Variants in ADGRB3 observed in about 807,000 individuals in gnomAD.
ADGRB3 encodes adhesion G protein-coupled receptor B3.
In ADGRB3, 37 loss-of-function variants were observed where a neutral mutation model predicts 193.4. The ratio of observed to expected loss-of-function variants is 0.19; its 90% CI spans 0.15 to 0.25. ADGRB3 has a LOEUF of 0.25. ADGRB3 is among the 10% of genes least tolerant of loss of function. ADGRB3 has a pLI of 1.00. For synonymous variants in ADGRB3, 690 were observed against 644.2 expected (o/e 1.07, Z -1.08); for missense variants, 1,637 against 1,852.9 (o/e 0.88, Z 2.14).
At chr6:69,130,585 G>A (rs892759670) in intron 17 of ADGRB3, among the ~76,000 whole-genome samples, 13 of 149,668 alleles carry the variant, frequency 8.7e-5, no homozygotes, top group African/African-American at 2.4e-4. Flanking sequence ...TCAGCCCCCC[G>A]ACTGGGCTCC....
At chr6:68,947,686 G>A (rs555948251) in intron 6 of ADGRB3, among the ~76,000 whole-genome samples, 1 of 152,196 alleles carries the variant, frequency 6.6e-6, no homozygotes, top group Non-Finnish European at 1.5e-5. Flanking sequence ...TTATTCATCT[G>A]TAAAATGGGG....
intron 3 of ADGRB3, among the ~76,000 whole-genome samples, chr6:68,787,792 T>G (rs1767007683): frequency 6.6e-6 from 1 of 152,166 alleles, no homozygotes; most frequent in Non-Finnish European, 1.5e-5. Context: ...CCTGGACTTT[T>G]TTTGGTTGGT....
chr6:69,122,441 CAAAG>C (rs1405514351), intron 17 of ADGRB3, among the ~76,000 whole-genome samples: 1 of 109,244 alleles, frequency 9.2e-6, no homozygotes. Flanking sequence ...TGAGGGAGAC[CAAAG>C]AAAGAAAGAT....
At chr6:69,135,716 T>G (rs1026750164) in intron 17 of ADGRB3, among the ~76,000 whole-genome samples, 1 of 152,120 alleles carries the variant, frequency 6.6e-6, no homozygotes, top group African/African-American at 2.4e-5. Flanking sequence ...CAGCAACTTA[T>G]GTTTTTTGAC....
At position 69,338,928 on chromosome 6, in the gene ADGRB3, G is replaced by A; in HGVS notation, c.3201G>A (p.Glu1067=). ...TGTTTGTTTGCAGTCAGATGAGTGA[G>A]CCTCATAGCGGTTTGACGCTCAAAT... ...KLKHRAGQMS[E]PHSGLTLKCA... The change falls in exon 25 of 32, where the codon GAG becomes GAA. Residue 1067 remains glutamate (E), a synonymous_variant. Transcript: ENST00000370598. The A allele has an allele frequency of 6.2e-7, 1 of 1,613,624 alleles. No homozygotes were observed. Among genetic ancestry groups the A allele is most frequent in the South Asian group, 1.1e-5 (1 of 91,024 alleles).
At chr6:68,878,661 A>T (rs1441767263) in intron 3 of ADGRB3, among the ~76,000 whole-genome samples, 3 of 152,140 alleles carry the variant, frequency 2.0e-5, no homozygotes, top group Admixed American at 1.3e-4. Context: ...GTACTCTGTG[A>T]CCATTTCAGT....
rs1768366041 is a variant in ADGRB3 at position 68,850,056 on chromosome 6, T to G, written c.758-80503T>G. Among the ~76,000 whole-genome samples the G allele has an allele frequency of 2.0e-5, 3 of 152,062 alleles. No homozygotes were observed. The South Asian group carries it at 6.2e-4, about 32-fold the overall frequency. On this transcript the variant is annotated intron_variant, in intron 3 of 31. Coordinates refer to ENST00000370598, the MANE Select transcript of ADGRB3 (RefSeq NM_001704.3). ...ATTACCACTTTTACATCTCTTCATT[T>G]TAATAAGGCATGTTATCGTTTACAT...
chr6:68,734,853 A>G (rs1299887372), intron 3 of ADGRB3, among the ~76,000 whole-genome samples: 1 of 152,072 alleles, frequency 6.6e-6, no homozygotes, highest in Admixed American at 6.6e-5. Flanking sequence ...GATTTAATGA[A>G]AAGTAGGAGA....
intron 20 of ADGRB3, among the ~76,000 whole-genome samples, chr6:69,291,973 A>G (rs1273550002): frequency 1.3e-5 from 2 of 152,092 alleles, no homozygotes; most frequent in African/African-American, 4.8e-5. Flanking sequence ...CTGAAGATGA[A>G]GGGTCACAGA....
At chr6:69,336,117 C>T (rs1053902769) in intron 24 of ADGRB3, among the ~76,000 whole-genome samples, 2 of 151,712 alleles carry the variant, frequency 1.3e-5, no homozygotes, top group Non-Finnish European at 2.9e-5. Flanking sequence ...AAACTTGTGT[C>T]TCAGGGATTT....
At chr6:68,882,644 G>A (rs478789) in intron 3 of ADGRB3, among the ~76,000 whole-genome samples, 32,068 of 151,952 alleles carry the variant, frequency 0.21, 3,959 homozygotes, top group East Asian at 0.58. Flanking sequence ...GTGGCTCCTA[G>A]ACTCCTCCCT....
At chr6:68,946,232 G>A (rs572992472) in intron 6 of ADGRB3, among the ~76,000 whole-genome samples, 166 of 152,124 alleles carry the variant, frequency 1.1e-3, no homozygotes, top group African/African-American at 3.9e-3. Context: ...AAAAATCGAC[G>A]TTATGATTTT....
intron 20 of ADGRB3, among the ~76,000 whole-genome samples, chr6:69,315,393 C>A (rs1299354238): frequency 6.6e-6 from 1 of 151,500 alleles, no homozygotes; most frequent in African/African-American, 2.4e-5. Flanking sequence ...TTTTAAGATG[C>A]AGTCAAACAT....
In ADGRB3 at chr6:69,016,054, T is replaced by C. The variant is rs62418321; in HGVS notation, c.1998+1948T>C. Reference sequence around the variant, plus strand: ...TCCAGCTTGAGGCTTATTTTGTTAATCATATTTTGGAATATAGCCACACCC... The same window carrying C: ...TCCAGCTTGAGGCTTATTTTGTTAACCATATTTTGGAATATAGCCACACCC... On this transcript the variant is annotated intron_variant, in intron 12 of 31. Coordinates refer to ENST00000370598, the MANE Select transcript of ADGRB3 (RefSeq NM_001704.3). 3.1e-3 allele frequency among the ~76,000 whole-genome samples: 479 copies of C among 152,084 alleles called. 2 individuals are homozygous for C. The highest frequency in any genetic ancestry group is 6.8e-3 in the Middle Eastern group (2 of 294).
intron 3 of ADGRB3, among the ~76,000 whole-genome samples, chr6:68,784,797 A>T (rs1197532867): frequency 1.3e-5 from 2 of 152,094 alleles, no homozygotes; most frequent in East Asian, 1.9e-4. Flanking sequence ...GTTATATCTC[A>T]TCTGTGTTAA....
chr6:69,116,408 TA>T (rs1773533791), intron 17 of ADGRB3, among the ~76,000 whole-genome samples: 1 of 152,192 alleles, frequency 6.6e-6, no homozygotes, highest in Non-Finnish European at 1.5e-5. Flanking sequence ...AACTCAGAAC[TA>T]ATACTAAATT....
At chr6:68,730,387 G>A (rs1265276806) in intron 3 of ADGRB3, among the ~76,000 whole-genome samples, 1 of 151,448 alleles carries the variant, frequency 6.6e-6, no homozygotes, top group Non-Finnish European at 1.5e-5. Flanking sequence ...TAAAAACCAT[G>A]AAACCTCATT....
chr6:68,961,235 C>G (rs1238332740), intron 8 of ADGRB3, among the ~76,000 whole-genome samples: 1 of 152,146 alleles, frequency 6.6e-6, no homozygotes, highest in Non-Finnish European at 1.5e-5. Flanking sequence ...ATCCAACTCT[C>G]AGTTCTCCAA....
At chr6:68,866,329 T>G (rs1477695888) in intron 3 of ADGRB3, among the ~76,000 whole-genome samples, 1 of 152,152 alleles carries the variant, frequency 6.6e-6, no homozygotes, top group Non-Finnish European at 1.5e-5. Flanking sequence ...TTGCTCCCTT[T>G]CTTTCTCCTG....
Sources: allele counts gnomAD v4.1 joint callset (sites outside exome capture counted in the v4.1 genomes callset), GRCh38; gene constraint gnomAD v4.1.1; transcripts MANE v1.5; gene names NCBI Gene and HGNC (gene_info 2026-07-23, HGNC 2026-07-21).